The following CHRM2 variants were observed in gnomAD, a reference collection of about 807,000 sequenced individuals.
The protein encoded by CHRM2 is muscarinic acetylcholine receptor M2.
Under a neutral mutation model 25.0 loss-of-function variants are expected in CHRM2, and 8 were observed. That is an observed-to-expected ratio of 0.32 (90% CI 0.19 to 0.58). CHRM2 has a LOEUF of 0.58. Ranked by LOEUF, CHRM2 falls within the 20% of genes least tolerant of loss-of-function variation. CHRM2 has a pLI of 0.88. For missense variants in CHRM2, 440 were observed against 567.1 expected, an observed-to-expected ratio of 0.78 and a Z score of 2.28; for synonymous variants, 202 against 205.7, an observed-to-expected ratio of 0.98 and a Z score of 0.15.
intron 2 of CHRM2, among the ~76,000 whole-genome samples, chr7:136,926,180 G>A (rs1798740135): frequency 6.6e-6 from 1 of 152,074 alleles, no homozygotes; most frequent in Non-Finnish European, 1.5e-5. Context: ...AGGCTACAGT[G>A]AGTCCTGATC....
At chr7:137,001,953 C>T (rs1383039030) in intron 3 of CHRM2, among the ~76,000 whole-genome samples, 8 of 152,200 alleles carry the variant, frequency 5.3e-5, no homozygotes, top group Non-Finnish European at 1.0e-4. Flanking sequence ...TCTCCTACAT[C>T]CTACACTCGC....
chr7:136,903,137 C>A (rs377700391), intron 2 of CHRM2: 1 of 533,772 alleles, frequency 1.9e-6, no homozygotes, highest in Non-Finnish European at 3.9e-6. Context: ...CTTCAACCAA[C>A]GGTGGTGAAG....
At chr7:136,981,136 T>C (rs889140004) in intron 2 of CHRM2, among the ~76,000 whole-genome samples, 1 of 152,202 alleles carries the variant, frequency 6.6e-6, no homozygotes, top group Non-Finnish European at 1.5e-5. Flanking sequence ...TACTGGTCTA[T>C]TCAGGGATTC....
At chr7:136,991,821 AC>A (rs1354494440) in intron 2 of CHRM2, among the ~76,000 whole-genome samples, 1 of 152,158 alleles carries the variant, frequency 6.6e-6, no homozygotes, top group African/African-American at 2.4e-5. Context: ...GAGGCAAACT[AC>A]AGTAGCTGAT....
At position 136,952,117 on chromosome 7, in the gene CHRM2, T is replaced by C. The variant is rs143763843; in HGVS notation, c.-124-40070T>C. 5.2e-3 allele frequency among the ~76,000 whole-genome samples: 796 copies of C among 152,256 alleles called. 9 individuals are homozygous for C. The highest frequency in any genetic ancestry group is 9.0e-3 in the Admixed American group (137 of 15,292). On this transcript the variant is annotated intron_variant, in intron 2 of 3. Coordinates refer to ENST00000680005, the MANE Select transcript of CHRM2 (RefSeq NM_001006630.2). ...GGTCCCACTTCGACAAGGGCAGAAG[T>C]AGATTCGAGGGCTTGTGCATACGTG...
At chr7:136,946,367 G>A (rs140611137) in intron 2 of CHRM2, among the ~76,000 whole-genome samples, 8 of 152,248 alleles carry the variant, frequency 5.3e-5, no homozygotes, top group South Asian at 4.1e-4. Flanking sequence ...GCACTCTGCC[G>A]AGTAGTAGGA....
chr7:136,898,078 G>T (rs538337692), intron 2 of CHRM2, among the ~76,000 whole-genome samples: 2 of 152,158 alleles, frequency 1.3e-5, no homozygotes, highest in African/African-American at 4.8e-5. Context: ...CTCACTTCTG[G>T]TTATTAGAAA....
chr7:136,907,826 A>G (rs959851465), intron 2 of CHRM2: 1 of 151,960 alleles, frequency 6.6e-6, no homozygotes, highest in Admixed American at 6.6e-5. Flanking sequence ...CGGAGATTCA[A>G]GAAAGGGAGA....
chr7:136,900,992 A>C (rs552872791), intron 2 of CHRM2, among the ~76,000 whole-genome samples: 1 of 152,230 alleles, frequency 6.6e-6, no homozygotes, highest in African/African-American at 2.4e-5. Context: ...CTTATTTATA[A>C]ATTACATAGA....
intron 2 of CHRM2, among the ~76,000 whole-genome samples, chr7:136,876,361 A>T (rs1396052297): frequency 2.6e-5 from 4 of 152,162 alleles, no homozygotes; most frequent in Non-Finnish European, 5.9e-5. Flanking sequence ...ATATTTTATA[A>T]ATGATGGCAA....
chr7:136,913,784 G>T (rs1301193016), intron 2 of CHRM2, among the ~76,000 whole-genome samples: 4 of 151,924 alleles, frequency 2.6e-5, no homozygotes, highest in African/African-American at 9.7e-5. Flanking sequence ...GAAGCCCAGA[G>T]AAATGATCAA....
intron 2 of CHRM2, among the ~76,000 whole-genome samples, chr7:136,908,159 CTTAT>C (rs963812607): frequency 1.3e-5 from 2 of 151,908 alleles, no homozygotes; most frequent in African/African-American, 4.8e-5. Flanking sequence ...TAGTTGCTAA[CTTAT>C]TTAAACCTCA....
At chr7:136,914,250 C>T (rs1276794599) in intron 2 of CHRM2, 2 of 151,918 alleles carry the variant, frequency 1.3e-5, no homozygotes, top group Non-Finnish European at 2.9e-5. Context: ...CTCATCTAGT[C>T]TCCAGGTGAT....
chr7:136,909,255 T>G (rs923707985), intron 2 of CHRM2, among the ~76,000 whole-genome samples: 2 of 151,980 alleles, frequency 1.3e-5, no homozygotes, highest in Admixed American at 6.6e-5. Flanking sequence ...AGATAATACA[T>G]GTACTCACAA....
chr7:136,961,330 C>T (rs965799544), intron 2 of CHRM2, among the ~76,000 whole-genome samples: 20 of 152,086 alleles, frequency 1.3e-4, no homozygotes, highest in African/African-American at 4.6e-4. Flanking sequence ...TTAAGGTAGG[C>T]TAGGCTAAGC....
intron 2 of CHRM2, among the ~76,000 whole-genome samples, chr7:136,885,216 G>A (rs529312071): frequency 2.0e-5 from 3 of 152,202 alleles, no homozygotes; most frequent in African/African-American, 7.2e-5. Context: ...ATGGACCAAA[G>A]AGAGAAACAA....
At chr7:136,958,504 G>T (rs1800865130) in intron 2 of CHRM2, among the ~76,000 whole-genome samples, 1 of 141,482 alleles carries the variant, frequency 7.1e-6, no homozygotes, top group African/African-American at 2.7e-5. Flanking sequence ...TGCCCAGGCT[G>T]GAGTGCAGTG....
At chr7:136,923,770 A>T (rs1237553074) in intron 2 of CHRM2, among the ~76,000 whole-genome samples, 1 of 152,124 alleles carries the variant, frequency 6.6e-6, no homozygotes, top group African/African-American at 2.4e-5. Flanking sequence ...GCAAATTGGG[A>T]GGTCTAGGTG....
At chr7:136,884,316 A>T (rs1468270771) in intron 2 of CHRM2, among the ~76,000 whole-genome samples, 1 of 152,122 alleles carries the variant, frequency 6.6e-6, no homozygotes, top group Non-Finnish European at 1.5e-5. Flanking sequence ...TTGTCTGTGC[A>T]ATGTCTTTAG....
Sources: allele counts gnomAD v4.1 joint callset (sites outside exome capture counted in the v4.1 genomes callset), GRCh38; gene constraint gnomAD v4.1.1; transcripts MANE v1.5; gene names NCBI Gene and HGNC (gene_info 2026-07-23, HGNC 2026-07-21).